Variants in ANAPC11 observed in about 807,000 individuals in gnomAD.
ANAPC11 encodes the protein anaphase promoting complex subunit 11.
A neutral mutation model predicts 11.8 loss-of-function variants in ANAPC11; 5 were observed. The observed-to-expected ratio is 0.42, with a 90% CI of 0.22 to 0.89. ANAPC11 has a LOEUF of 0.89. ANAPC11 is among the 40% of genes least tolerant of loss of function. The pLI is 0.28. For synonymous variants in ANAPC11, 45 were observed against 41.0 expected (o/e 1.10, Z -0.38); for missense variants, 68 against 112.9 (o/e 0.60, Z 1.80).
upstream of ANAPC11, chr17:81,890,919 G>A (rs930219389): frequency 1.3e-6 from 2 of 1,552,978 alleles, no homozygotes; most frequent in Non-Finnish European, 1.7e-6. Context: ...CCCGGCCTGA[G>A]AGGATCCGGC....
At chr17:81,899,538 T>C (rs749383774) in intron 3 of ANAPC11, 2 of 1,612,518 alleles carry the variant, frequency 1.2e-6, no homozygotes, top group Admixed American at 3.3e-5. Flanking sequence ...GCCCAGGGCC[T>C]GTAGGTCAGA....
chr17:81,899,039 C>T (rs558879573), intron 3 of ANAPC11: 6 of 612,194 alleles, frequency 9.8e-6, no homozygotes, highest in African/African-American at 7.4e-5. Context: ...GTGGGCATGC[C>T]GTGGGGCCGG....
chr17:81,899,834 T>C (rs1261170897), intron 3 of ANAPC11, 86 bp from the exon 4 acceptor site: 1 of 1,370,180 alleles, frequency 7.3e-7, no homozygotes. Context: ...CTGCCCAGGG[T>C]CCCTACCTGC....
At chr17:81,894,349 G>T in intron 2 of ANAPC11, 118 bp from the exon 3 acceptor site, 1 of 475,854 alleles carries the variant, frequency 2.1e-6, no homozygotes, top group Middle Eastern at 3.1e-4. Context: ...TGATCTTCCT[G>T]CCTTGGCCCC....
chr17:81,896,530 G>A (rs528199441), intron 3 of ANAPC11, among the ~76,000 whole-genome samples: 28 of 152,222 alleles, frequency 1.8e-4, no homozygotes, highest in Non-Finnish European at 3.2e-4. Context: ...TAAAGCAGAA[G>A]CAAGGGTCAA....
At chr17:81,897,244 C>T (rs1197295980) in intron 3 of ANAPC11, among the ~76,000 whole-genome samples, 1 of 152,194 alleles carries the variant, frequency 6.6e-6, no homozygotes. Context: ...CGTGATCCGC[C>T]CACCTCAGCC....
At chr17:81,899,424 G>C in intron 3 of ANAPC11, 1 of 1,613,900 alleles carries the variant, frequency 6.2e-7, no homozygotes, top group Non-Finnish European at 8.5e-7. Flanking sequence ...CACCCCTCCT[G>C]CCCTTGATCA....
At chr17:81,896,649 G>A (rs2039752583) in intron 3 of ANAPC11, among the ~76,000 whole-genome samples, 1 of 152,006 alleles carries the variant, frequency 6.6e-6, no homozygotes, top group African/African-American at 2.4e-5. Flanking sequence ...CAAGTAACCA[G>A]GCGTATTTTT....
At chr17:81,896,460 T>C (rs1178919856) in intron 3 of ANAPC11, among the ~76,000 whole-genome samples, 2 of 152,184 alleles carry the variant, frequency 1.3e-5, no homozygotes, top group South Asian at 4.1e-4. Context: ...TTGATTATGT[T>C]TAGGTTGAAA....
chr17:81,897,063 C>T (rs1211673693), intron 3 of ANAPC11, among the ~76,000 whole-genome samples: 3 of 152,122 alleles, frequency 2.0e-5, no homozygotes, highest in Non-Finnish European at 2.9e-5. Context: ...TGCAGTGGCA[C>T]GATCTTGGCT....
intron 3 of ANAPC11, among the ~76,000 whole-genome samples, chr17:81,896,798 CTTTTTTTTTTTTTTTTTTT>C (rs1156391578): frequency 9.3e-5 from 4 of 42,876 alleles, no homozygotes; most frequent in African/African-American, 2.0e-4. Context: ...GCCTCCTTTG[CTTTTTTTTTTTTTTTTTTT>C]TTTTTTTTTT....
chr17:81,899,047 C>T (rs1050735621), intron 3 of ANAPC11: 13 of 624,886 alleles, frequency 2.1e-5, no homozygotes, highest in African/African-American at 5.5e-5. Context: ...GCCGTGGGGC[C>T]GGCGCTGCCA....
upstream of ANAPC11, chr17:81,890,957 G>T: frequency 7.4e-7 from 1 of 1,344,830 alleles, no homozygotes; most frequent in Non-Finnish European, 1.0e-6. Context: ...CGCTCCCTCC[G>T]GCGCTGCAGC....
chr17:81,892,188 T>A (rs2039562326), intron 1 of ANAPC11: 1 of 152,172 alleles, frequency 6.6e-6, no homozygotes, highest in Non-Finnish European at 1.5e-5. Flanking sequence ...CAAGTTTTCT[T>A]GCGGGCCGGG....
At chr17:81,899,436 G>C (rs2143580764) in intron 3 of ANAPC11, 1 of 1,613,992 alleles carries the variant, frequency 6.2e-7, no homozygotes, top group South Asian at 1.1e-5. Context: ...CCTTGATCAA[G>C]AGACCAGTTC....
At chr17:81,892,878 G>A (rs182562510) in intron 1 of ANAPC11, among the ~76,000 whole-genome samples, 52 of 152,074 alleles carry the variant, frequency 3.4e-4, no homozygotes, top group Admixed American at 3.2e-3. Context: ...TGTTTTTTGA[G>A]TCAGGGTCTC....
At chr17:81,899,555 C>T in intron 3 of ANAPC11, 1 of 1,608,766 alleles carries the variant, frequency 6.2e-7, no homozygotes, top group Non-Finnish European at 8.5e-7. Context: ...CAGACATTGC[C>T]CTTTTTCCCC....
intron 1 of ANAPC11, among the ~76,000 whole-genome samples, chr17:81,892,373 G>A (rs1467595162): frequency 6.6e-6 from 1 of 151,912 alleles, no homozygotes; most frequent in Non-Finnish European, 1.5e-5. Flanking sequence ...GGAGGCCGAG[G>A]TGGGAGGATT....
upstream of ANAPC11, chr17:81,891,396 A>C: frequency 9.2e-6 from 10 of 1,089,672 alleles, no homozygotes; most frequent in Non-Finnish European, 1.1e-5. Flanking sequence ...CCGGTTCCGG[A>C]TGGGCCCGCC....
Sources: allele counts gnomAD v4.1 joint callset (sites outside exome capture counted in the v4.1 genomes callset), GRCh38; gene constraint gnomAD v4.1.1; transcripts MANE v1.5; gene names NCBI Gene and HGNC (gene_info 2026-07-23, HGNC 2026-07-21).